Variants in ESRRG observed in about 807,000 individuals in gnomAD.
The protein encoded by ESRRG is estrogen-related receptor gamma.
Under a neutral mutation model 44.0 loss-of-function variants are expected in ESRRG, and 13 were observed. The ratio of observed to expected loss-of-function variants is 0.30; its 90% CI spans 0.19 to 0.47. The LOEUF is 0.47. Ranked by LOEUF, ESRRG falls within the 20% of genes least tolerant of loss-of-function variation. The pLI, the probability that ESRRG is intolerant of heterozygous loss-of-function variation, is 1.00. For synonymous variants in ESRRG, 215 were observed against 214.6 expected, an observed-to-expected ratio of 1.00 and a Z score of -0.02; for missense variants, 395 against 580.6, an observed-to-expected ratio of 0.68 and a Z score of 3.29.
intron 1 of ESRRG, among the ~76,000 whole-genome samples, chr1:217,038,629 G>A (rs1323300623): frequency 6.6e-6 from 1 of 152,190 alleles, no homozygotes; most frequent in Non-Finnish European, 1.5e-5. Context: ...GCTGCATAGA[G>A]CAGGGGGTTC....
chr1:216,798,554 C>T (rs1307193986), intron 2 of ESRRG, among the ~76,000 whole-genome samples: 2 of 152,130 alleles, frequency 1.3e-5, no homozygotes, highest in Non-Finnish European at 2.9e-5. Context: ...AACAGCAGGG[C>T]AGTGTCATGA....
At chr1:216,998,221 T>G (rs2076605372) in intron 1 of ESRRG, among the ~76,000 whole-genome samples, 1 of 152,208 alleles carries the variant, frequency 6.6e-6, no homozygotes, top group Non-Finnish European at 1.5e-5. Context: ...CAAGAAACAC[T>G]AAACACCTAA....
chr1:217,029,069 A>G lies in ESRRG; in HGVS notation c.-106+60438T>C, dbSNP rs542228004. Among the ~76,000 whole-genome samples the G allele has an allele frequency of 3.8e-4, 58 of 152,260 alleles. 1 individual carries two copies. Among genetic ancestry groups the G allele is most frequent in the Admixed American group, 2.3e-3 (35 of 15,286 alleles). On this transcript the variant is annotated intron_variant, in intron 1 of 7. Coordinates refer to the ESRRG transcript ENST00000359162. Reference sequence around the variant, plus strand: ...GCTCTCTGAAAAACTTAAAAAAAAAAAAGAAGAAATTAATTCTAACCCTTA... The same window carrying G: ...GCTCTCTGAAAAACTTAAAAAAAAAGAAGAAGAAATTAATTCTAACCCTTA...
chr1:216,688,217 A>G (rs1051013968), intron 1 of ESRRG, among the ~76,000 whole-genome samples: 29 of 152,334 alleles, frequency 1.9e-4, no homozygotes, highest in African/African-American at 6.3e-4. Flanking sequence ...CTGTGTAAAA[A>G]TAAAATAGAA....
At chr1:216,604,789 A>G (rs1445862921) in intron 3 of ESRRG, among the ~76,000 whole-genome samples, 1 of 152,206 alleles carries the variant, frequency 6.6e-6, no homozygotes, top group African/African-American at 2.4e-5. Flanking sequence ...TACCATCTAA[A>G]ATATTTGCCT....
intron 1 of ESRRG, among the ~76,000 whole-genome samples, chr1:216,981,866 C>T (rs1384973097): frequency 2.0e-5 from 3 of 152,182 alleles, no homozygotes; most frequent in East Asian, 3.9e-4. Context: ...AAACCCCTGG[C>T]ACCCTGTTCT....
chr1:216,999,948 A>G (rs2185225), intron 1 of ESRRG, among the ~76,000 whole-genome samples: 5,918 of 152,270 alleles, frequency 0.039, 260 homozygotes, highest in African/African-American at 0.091. Context: ...ATTCTCAAAC[A>G]GTATCTACTA....
intron 2 of ESRRG, among the ~76,000 whole-genome samples, chr1:216,913,111 CAA>C (rs36067159): frequency 0.023 from 1,422 of 62,736 alleles, 8 homozygotes; most frequent in African/African-American, 0.065. Context: ...GACTCTGTCT[CAA>C]AAAAAAAAAA....
intron 2 of ESRRG, among the ~76,000 whole-genome samples, chr1:216,842,236 AT>A (rs2095664811): frequency 6.6e-6 from 1 of 152,030 alleles, no homozygotes; most frequent in South Asian, 2.1e-4. Context: ...CTTCCTTTTC[AT>A]TTTTTGTCTC....
intron 1 of ESRRG, among the ~76,000 whole-genome samples, chr1:216,945,313 G>A (rs1176708707): frequency 6.6e-6 from 1 of 152,112 alleles, no homozygotes; most frequent in Admixed American, 6.6e-5. Flanking sequence ...TTTCCTTCAA[G>A]CTGGCTTGAA....
At chr1:216,589,177 C>A (rs2057222123) in intron 3 of ESRRG, among the ~76,000 whole-genome samples, 1 of 152,148 alleles carries the variant, frequency 6.6e-6, no homozygotes, top group Admixed American at 6.5e-5. Context: ...GAATGCAGGA[C>A]TACTGCTGTA....
chr1:216,954,563 A>G (rs777022857), intron 1 of ESRRG, among the ~76,000 whole-genome samples: 2 of 152,204 alleles, frequency 1.3e-5, no homozygotes, highest in African/African-American at 4.8e-5. Flanking sequence ...TGATTTAGGC[A>G]TATGTAAATA....
chr1:216,838,560 T>G (rs1038651221), intron 2 of ESRRG, among the ~76,000 whole-genome samples: 1 of 152,150 alleles, frequency 6.6e-6, no homozygotes, highest in Non-Finnish European at 1.5e-5. Flanking sequence ...ATCAAATTCC[T>G]GACTTTAGCC....
At chr1:216,558,417 A>G (rs1291297226) in intron 5 of ESRRG, among the ~76,000 whole-genome samples, 1 of 152,148 alleles carries the variant, frequency 6.6e-6, no homozygotes, top group African/African-American at 2.4e-5. Flanking sequence ...TATCTACACA[A>G]TGATTCTCTT....
At chr1:216,938,697 G>C (rs1285998724) in intron 2 of ESRRG, among the ~76,000 whole-genome samples, 1 of 152,152 alleles carries the variant, frequency 6.6e-6, no homozygotes, top group Non-Finnish European at 1.5e-5. Context: ...TGAGTGCACA[G>C]GGATTCCTGT....
chr1:217,129,617 G>C (rs180875267), intron 1 of ESRRG, among the ~76,000 whole-genome samples: 1 of 152,266 alleles, frequency 6.6e-6, no homozygotes, highest in South Asian at 2.1e-4. Flanking sequence ...GCGATAAAGA[G>C]GGATGAAGAA....
At chr1:216,934,380 G>C (rs1036909984) in intron 2 of ESRRG, among the ~76,000 whole-genome samples, 1 of 152,116 alleles carries the variant, frequency 6.6e-6, no homozygotes, top group Non-Finnish European at 1.5e-5. Flanking sequence ...GTTTCAGTGA[G>C]CCAAGATCAC....
intron 1 of ESRRG, among the ~76,000 whole-genome samples, chr1:217,060,911 T>C (rs1049717625): frequency 3.9e-5 from 6 of 152,108 alleles, no homozygotes; most frequent in African/African-American, 1.2e-4. Flanking sequence ...CTTGAGATTG[T>C]GGAGAAGATA....
intron 5 of ESRRG, among the ~76,000 whole-genome samples, chr1:216,552,392 C>G (rs2056592896): frequency 6.6e-6 from 1 of 152,192 alleles, no homozygotes. Flanking sequence ...CTGTCTCTGA[C>G]TAGCTTGTGA....
Sources: allele counts gnomAD v4.1 joint callset (sites outside exome capture counted in the v4.1 genomes callset), GRCh38; gene constraint gnomAD v4.1.1; transcripts MANE v1.5; gene names NCBI Gene and HGNC (gene_info 2026-07-23, HGNC 2026-07-21).